SEC31B: variants seen among roughly 807,000 people sequenced by gnomAD.
The protein encoded by SEC31B is protein transport protein Sec31B.
SEC31B carries 113 observed loss-of-function variants against 135.0 expected under a neutral mutation model. The ratio of observed to expected loss-of-function variants is 0.84; its 90% CI spans 0.72 to 0.98. The LOEUF (loss-of-function observed/expected upper bound fraction) is 0.98, where lower values mean the gene tolerates loss of function less well. Among genes scored for constraint, SEC31B ranks in the 50% least tolerant of loss-of-function variants. SEC31B has a pLI of 0.00. For synonymous variants in SEC31B, 508 were observed against 549.4 expected, an observed-to-expected ratio of 0.92 and a Z score of 1.05; for missense variants, 1,296 against 1,421.1, an observed-to-expected ratio of 0.91 and a Z score of 1.42.
At chr10:100,506,235 C>T (rs748577632) in intron 8 of SEC31B, 34 bp from the exon 9 acceptor site, 17 of 1,614,018 alleles carry the variant, frequency 1.1e-5, no homozygotes, top group African/African-American at 1.3e-5. Flanking sequence ...AGGGACAGTC[C>T]ATGAAACCCA....
intron 1 of SEC31B, among the ~76,000 whole-genome samples, chr10:100,519,116 C>T (rs1851901056): frequency 6.6e-6 from 1 of 152,224 alleles, no homozygotes; most frequent in African/African-American, 2.4e-5. Flanking sequence ...GGGATGTGAA[C>T]CCCCATCAGC....
chr10:100,508,057 G>A lies in SEC31B; in HGVS notation c.496-6C>T. The stretch of plus-strand genomic sequence containing the variant: ...TTGATGTCCTCTGGAGGCTGCTAAG[G>A]CAGGATGGGGACAGAAAGATGACAA... On this transcript the variant is annotated splice_region_variant and splice_polypyrimidine_tract_variant and intron_variant, in intron 5 of 25. Coordinates refer to ENST00000370345, the MANE Select transcript of SEC31B (RefSeq NM_015490.4). 2 of 1,614,154 alleles carry A rather than the reference G, an allele frequency of 1.2e-6. No individual in the cohort carries two copies. Among genetic ancestry groups the A allele is most frequent in the African/African-American group, 1.3e-5 (1 of 75,058 alleles).
At chr10:100,497,881 T>C in intron 15 of SEC31B, 88 bp from the exon 16 acceptor site, 1 of 1,604,554 alleles carries the variant, frequency 6.2e-7, no homozygotes, top group Non-Finnish European at 8.5e-7. Flanking sequence ...GTTAGAGCAC[T>C]GAGTAGGGGC....
chr10:100,495,652 G>T, intron 18 of SEC31B, 106 bp from the exon 19 acceptor site: 1 of 1,122,230 alleles, frequency 8.9e-7, no homozygotes, highest in Non-Finnish European at 1.3e-6. Context: ...TGTCCAACCT[G>T]TGTTATTTTG....
rs765372360 is a variant in SEC31B at position 100,497,741 on chromosome 10, C to A, written c.1916G>T (p.Ser639Ile). ...CAGTGCCTCTCTCCAGTTCTTCAGG[C>A]TACAGGTACACACCACATCCTTCCA... is the stretch of plus-strand genomic sequence containing the variant. ...KNWKDVVCTC[S>I]LKNWREALAL... is the part of the protein sequence containing the mutation. Residue 639 changes from serine to isoleucine, a missense_variant, in exon 16 of 26, where the codon AGC (serine) becomes ATC (isoleucine). By Grantham distance (142) the Ser-to-Ile change is moderately radical. Coordinates refer to ENST00000370345, the MANE Select transcript of SEC31B (RefSeq NM_015490.4). 5.0e-6 allele frequency: 8 copies of A among 1,614,224 alleles called. No individual in the cohort carries two copies. Among genetic ancestry groups the A allele is most frequent in the Non-Finnish European group, 6.8e-6 (8 of 1,180,040 alleles).
Position 100,516,903 on chromosome 10 carries a change from G to T in SEC31B, c.50C>A (p.Ala17Asp). The T allele has an allele frequency of 3.1e-6, 5 of 1,614,026 alleles. No individual in the cohort carries two copies. Among genetic ancestry groups the T allele is most frequent in the Non-Finnish European group, 4.2e-6 (5 of 1,179,960 alleles). The change falls in exon 2 of 26, where the codon GCC becomes GAC. Residue 17 changes from alanine to aspartate, a missense_variant. Coordinates refer to ENST00000370345, the MANE Select transcript of SEC31B (RefSeq NM_015490.4). ...GGCCAGATACAAAGGGTATTGGCTGGCTGGGCTCCATGCCTGGACAGCTGG... is the reference window on the plus strand; with the variant it reads ...GGCCAGATACAAAGGGTATTGGCTGTCTGGGCTCCATGCCTGGACAGCTGG... ...ERPAVQAWSP[A>D]SQYPLYLATG...
intron 11 of SEC31B, among the ~76,000 whole-genome samples, chr10:100,501,305 G>A (rs1851519907): frequency 6.6e-6 from 1 of 152,014 alleles, no homozygotes; most frequent in South Asian, 2.1e-4. Context: ...CTGTCCTATA[G>A]GTACCACTGT....
chr10:100,489,365 T>C lies in SEC31B; in HGVS notation c.3058A>G (p.Thr1020Ala). ...PETFMPPAPI[T>A]APVMSLTPEL... ...GGGGTGAGGCTCATAACTGGAGCAG[T>C]AATTGGTGCTGGGGGCATAAATGTC... The change falls in exon 23 of 26, where the codon ACT becomes GCT. Residue 1020 changes from threonine to alanine, a missense_variant. Thr to Ala is a moderately conservative substitution (Grantham distance 58). Coordinates refer to ENST00000370345, the MANE Select transcript of SEC31B (RefSeq NM_015490.4). The C allele has an allele frequency of 1.2e-6, 2 of 1,613,756 alleles. No individual in the cohort carries two copies. The highest frequency in any genetic ancestry group is 1.7e-6 in the Non-Finnish European group (2 of 1,179,920).
chr10:100,490,637 C>T lies in SEC31B; in HGVS notation c.2650+69G>A, dbSNP rs1472108307. Reference sequence around the variant, plus strand: ...AGACATACAGCTTCCCAAATCCATGCTGGCCATGCCAATTGCTTTCCTGAG... The same window carrying T: ...AGACATACAGCTTCCCAAATCCATGTTGGCCATGCCAATTGCTTTCCTGAG... On this transcript the variant is annotated intron_variant, in intron 20 of 25. Transcript: ENST00000370345. The T allele has an allele frequency of 3.5e-6, 5 of 1,422,434 alleles. No homozygotes were observed. In the African/African-American group the frequency reaches 4.4e-5, roughly 12 times the overall value. 88.1% of individuals were successfully genotyped at this position (1,422,434 alleles called of 1,614,324 possible). A position where few individuals can be genotyped will look rare whatever the true frequency, so the allele number is the denominator to read the frequency against.
At chr10:100,502,636 A>T (rs1385277060) in intron 10 of SEC31B, 152 bp from the exon 11 acceptor site, 6 of 617,882 alleles carry the variant, frequency 9.7e-6, no homozygotes, top group Non-Finnish European at 1.1e-5. Context: ...TAGGATCAGG[A>T]ATTTAGTATT....
At chr10:100,506,495 T>G in intron 7 of SEC31B, 75 bp from the exon 8 acceptor site, 1 of 1,272,872 alleles carries the variant, frequency 7.9e-7, no homozygotes, top group South Asian at 1.2e-5. Flanking sequence ...ATGTCTTTTA[T>G]ACATTTTATA....
chr10:100,486,823 A>G lies in SEC31B; in HGVS notation c.*793T>C, dbSNP rs954319913. 6.6e-6 allele frequency: 1 copy of G among 152,270 alleles called. No individual in the cohort carries two copies. The highest frequency in any genetic ancestry group is 1.5e-5 in the Non-Finnish European group (1 of 68,092). The allele number at this position is 152,270 out of a possible 1,614,324, so 9.4% of individuals were successfully genotyped here. On this transcript the variant is annotated 3_prime_UTR_variant, in exon 26 of 26. Transcript: ENST00000370345. The stretch of plus-strand genomic sequence containing the variant: ...AGAATCATTCCTTAATATGGCTCCA[A>G]TTCCAGAACTGGGCTTTATCATCAC...
chr10:100,510,447 T>A (rs1367473780), intron 3 of SEC31B, among the ~76,000 whole-genome samples: 1 of 152,218 alleles, frequency 6.6e-6, no homozygotes, highest in Non-Finnish European at 1.5e-5. Context: ...AAAAGATCCC[T>A]TTGGATCCCT....
intron 5 of SEC31B, chr10:100,508,415 C>T (rs1435867093): frequency 2.0e-6 from 1 of 491,620 alleles, no homozygotes; most frequent in African/African-American, 1.9e-5. Flanking sequence ...GAGAGTGAGG[C>T]CGAGAGAAAA....
intron 11 of SEC31B, among the ~76,000 whole-genome samples, chr10:100,501,363 C>G (rs1851521433): frequency 6.6e-6 from 1 of 152,234 alleles, no homozygotes; most frequent in Non-Finnish European, 1.5e-5. Context: ...CACTCCCTCT[C>G]TTTACCATCT....
chr10:100,505,630 G>A (rs1334363716), intron 9 of SEC31B, 135 bp from the exon 10 acceptor site: 14 of 1,443,240 alleles, frequency 9.7e-6, no homozygotes, highest in African/African-American at 2.9e-5. Context: ...CATATTCCAG[G>A]GGATGGGGAA....
Position 100,507,940 on chromosome 10 carries a change from G to A in SEC31B, c.607C>T (p.Pro203Ser). 6.2e-7 allele frequency: 1 copy of A among 1,614,196 alleles called. No homozygotes were observed. Among genetic ancestry groups the A allele is most frequent in the Non-Finnish European group, 8.5e-7 (1 of 1,180,030 alleles). ...CTGTGATCACTGACTTTGATGATAG[G>A]TTCATTCTTCCTGAGATCCCACACA... ...AVVWDLRKNEPIIKVSDHSNR... is the reference protein window; with the variant it reads ...AVVWDLRKNESIIKVSDHSNR... Residue 203 changes from proline to serine, a missense_variant, in exon 6 of 26, where the codon CCT becomes TCT. Pro to Ser is a moderately conservative substitution (Grantham distance 74). Transcript: ENST00000370345.
Position 100,506,091 on chromosome 10 carries a change from G to C in SEC31B, c.993C>G (p.Tyr331Ter), listed in dbSNP as rs571504892. The C allele has an allele frequency of 6.2e-6, 10 of 1,614,022 alleles. No homozygotes were observed. The East Asian group carries it at 2.0e-4, about 32-fold the overall frequency. The change falls in exon 9 of 26, where the codon TAC becomes TAG. Residue 331 changes from tyrosine to a stop codon, truncating the protein, a stop_gained. Transcript: ENST00000370345. LOFTEE classifies it high-confidence loss of function. ...CTTCCCAGCTCCTACCCATCACAGA[G>C]TACAAACTGATCCAGCCGTTGAAGG... Reference protein sequence around the residue: ...AASFNGWISLYSVMGRSWEVQ... With the variant: ...AASFNGWISL
At chr10:100,491,666 G>GA (rs1240915714) in intron 19 of SEC31B, among the ~76,000 whole-genome samples, 8 of 152,072 alleles carry the variant, frequency 5.3e-5, no homozygotes, top group African/African-American at 1.9e-4. Context: ...AAATGATGCA[G>GA]AAAAAACATT....
Sources: gnomAD v4.1 joint callset for allele counts (sites outside exome capture counted in the v4.1 genomes callset) on GRCh38, gnomAD v4.1.1 for gene constraint, MANE v1.5 for transcripts, NCBI Gene and HGNC (gene_info 2026-07-23, HGNC 2026-07-21) for gene names.